Variants in SLC39A11 observed in about 807,000 individuals in gnomAD.
SLC39A11 encodes the protein zinc transporter ZIP11.
A neutral mutation model predicts 36.1 loss-of-function variants in SLC39A11; 33 were observed. The ratio of observed to expected loss-of-function variants is 0.91; its 90% CI spans 0.69 to 1.22. The LOEUF is 1.22. Among genes scored for constraint, SLC39A11 ranks in the 50% most tolerant of loss-of-function variants. The pLI, the probability that SLC39A11 is intolerant of heterozygous loss-of-function variation, is 0.00. For synonymous variants in SLC39A11, 166 were observed against 170.3 expected, an observed-to-expected ratio of 0.97 and a Z score of 0.20; for missense variants, 432 against 430.3, an observed-to-expected ratio of 1.00 and a Z score of -0.03.
chr17:73,039,513 G>A (rs894255882), intron 3 of SLC39A11, among the ~76,000 whole-genome samples: 14 of 152,202 alleles, frequency 9.2e-5, no homozygotes, highest in Admixed American at 9.2e-4. Context: ...GGGGAGGAAC[G>A]AGGGTGGAGA....
chr17:72,744,699 A>G (rs535141308), intron 6 of SLC39A11, among the ~76,000 whole-genome samples: 2 of 152,220 alleles, frequency 1.3e-5, no homozygotes, highest in East Asian at 1.9e-4. Context: ...TATGATAGGA[A>G]GGGTGAGGGG....
chr17:72,759,129 T>TAATAATAATAATAATAATAATAATAAA (rs201794070), intron 6 of SLC39A11, among the ~76,000 whole-genome samples: 165 of 150,876 alleles, frequency 1.1e-3, no homozygotes, highest in African/African-American at 3.1e-3. Flanking sequence ...ATAATAATAA[T>TAATAATAATAATAATAATAATAATAAA]AAATAATCTT....
intron 7 of SLC39A11, among the ~76,000 whole-genome samples, chr17:72,654,991 C>T (rs1414893635): frequency 2.6e-5 from 4 of 152,218 alleles, no homozygotes; most frequent in Non-Finnish European, 4.4e-5. Flanking sequence ...TGGCAAGCCT[C>T]GTTACCTCTG....
At chr17:72,830,035 GA>G (rs2078212840) in intron 6 of SLC39A11, among the ~76,000 whole-genome samples, 1 of 152,168 alleles carries the variant, frequency 6.6e-6, no homozygotes, top group Non-Finnish European at 1.5e-5. Context: ...ATGCAGGAAG[GA>G]AGGAGAGAGG....
intron 6 of SLC39A11, among the ~76,000 whole-genome samples, chr17:72,784,716 C>T (rs1598725960): frequency 6.6e-6 from 1 of 151,902 alleles, no homozygotes; most frequent in African/African-American, 2.4e-5. Context: ...CTTGCTTTTG[C>T]CATGTGATAT....
chr17:73,048,774 C>T lies in SLC39A11; in HGVS notation c.148-17060G>A, dbSNP rs527723244. ...AAAACTGGCCTACAAGCGGATACTA[C>T]GTATGTTTATTATGTCTCTATTCTT... is the stretch of plus-strand genomic sequence containing the variant. On this transcript the variant is annotated intron_variant, in intron 3 of 9. Coordinates refer to ENST00000255559, the MANE Select transcript of SLC39A11 (RefSeq NM_139177.4). Among the ~76,000 whole-genome samples, 4 of 152,272 alleles carry T rather than the reference C, an allele frequency of 2.6e-5. No homozygotes were observed. In the South Asian group the frequency reaches 6.2e-4, roughly 24 times the overall value.
chr17:72,813,006 A>G (rs1275478297), intron 6 of SLC39A11, among the ~76,000 whole-genome samples: 1 of 152,148 alleles, frequency 6.6e-6, no homozygotes, highest in Non-Finnish European at 1.5e-5. Context: ...TTTCTCTTCC[A>G]GAATTGAAAG....
intron 6 of SLC39A11, among the ~76,000 whole-genome samples, chr17:72,798,375 C>G (rs2076966230): frequency 6.7e-6 from 1 of 149,828 alleles, no homozygotes; most frequent in Non-Finnish European, 1.5e-5. Flanking sequence ...ACATGGTGAA[C>G]AGAGAGAGAG....
intron 7 of SLC39A11, among the ~76,000 whole-genome samples, chr17:72,656,455 G>A (rs1321223105): frequency 6.6e-6 from 1 of 152,138 alleles, no homozygotes; most frequent in Admixed American, 6.5e-5. Context: ...CTCGAGAAGG[G>A]CCAGGAGAGG....
At chr17:72,869,274 T>C (rs116297295) in intron 5 of SLC39A11, among the ~76,000 whole-genome samples, 4 of 152,258 alleles carry the variant, frequency 2.6e-5, no homozygotes, top group African/African-American at 9.6e-5. Flanking sequence ...TCTGGAAGCA[T>C]CTGGGACAGA....
chr17:73,070,913 A>G (rs2060143476), intron 3 of SLC39A11, among the ~76,000 whole-genome samples: 1 of 152,172 alleles, frequency 6.6e-6, no homozygotes, highest in South Asian at 2.1e-4. Context: ...TAAATTGCCC[A>G]GTCTCCCGTA....
intron 6 of SLC39A11, among the ~76,000 whole-genome samples, chr17:72,801,804 TA>T (rs965731709): frequency 7.2e-5 from 11 of 152,180 alleles, no homozygotes; most frequent in African/African-American, 2.4e-4. Flanking sequence ...ATAAATTTAC[TA>T]AAAATCATAA....
chr17:72,998,870 C>T (rs989330662), intron 4 of SLC39A11, among the ~76,000 whole-genome samples: 9 of 152,156 alleles, frequency 5.9e-5, no homozygotes, highest in East Asian at 1.9e-4. Context: ...AGGGAGATGG[C>T]GGCGTTTTCC....
At position 72,665,392 on chromosome 17, in the gene SLC39A11, T is replaced by G. The variant is rs912752440; in HGVS notation, c.672-16124A>C. Among the ~76,000 whole-genome samples, 503 of 114,644 alleles carry G rather than the reference T, an allele frequency of 4.4e-3. 3 individuals carry two copies. The highest frequency in any genetic ancestry group is 0.016 in the African/African-American group (494 of 31,548). The allele number at this position is 114,644 out of a possible 152,430, so 75.2% of individuals were successfully genotyped here. A position where few individuals can be genotyped will look rare whatever the true frequency, so the allele number is the denominator to read the frequency against. On this transcript the variant is annotated intron_variant, in intron 7 of 9. Coordinates refer to ENST00000255559, the MANE Select transcript of SLC39A11 (RefSeq NM_139177.4). Reference sequence around the variant, plus strand: ...TTAAGCCACCAAGTTTTGAGGTGTTTTTTTTTTTTTTTTTTTTTGAGACAG... The same window carrying G: ...TTAAGCCACCAAGTTTTGAGGTGTTGTTTTTTTTTTTTTTTTTTGAGACAG...
intron 6 of SLC39A11, among the ~76,000 whole-genome samples, chr17:72,801,103 G>C (rs1413925956): frequency 1.3e-5 from 2 of 152,206 alleles, no homozygotes; most frequent in Non-Finnish European, 2.9e-5. Context: ...GTCCAGAAGA[G>C]GCAGATCTAG....
At chr17:72,888,398 A>G (rs753090110) in intron 5 of SLC39A11, among the ~76,000 whole-genome samples, 19 of 152,206 alleles carry the variant, frequency 1.2e-4, no homozygotes, top group Non-Finnish European at 2.5e-4. Context: ...AAAAGAGCCT[A>G]AACACATGGC....
intron 6 of SLC39A11, among the ~76,000 whole-genome samples, chr17:72,794,607 C>G (rs2076831023): frequency 1.3e-5 from 2 of 152,012 alleles, no homozygotes. Flanking sequence ...GTCCAGTCCT[C>G]CCTTCTTTTC....
intron 5 of SLC39A11, among the ~76,000 whole-genome samples, chr17:72,859,763 C>T (rs1347330383): frequency 2.1e-5 from 3 of 144,222 alleles, no homozygotes; most frequent in East Asian, 2.1e-4. Flanking sequence ...CCAAGGCTGG[C>T]GGATCACAAG....
intron 6 of SLC39A11, among the ~76,000 whole-genome samples, chr17:72,831,368 T>C (rs1479980905): frequency 6.6e-6 from 1 of 152,190 alleles, no homozygotes; most frequent in South Asian, 2.1e-4. Context: ...CTGCATCCAA[T>C]AGTCAGGATA....
Sources: gnomAD v4.1 joint callset for allele counts (sites outside exome capture counted in the v4.1 genomes callset) on GRCh38, gnomAD v4.1.1 for gene constraint, MANE v1.5 for transcripts, NCBI Gene and HGNC (gene_info 2026-07-23, HGNC 2026-07-21) for gene names.